The following DAAM1 variants were observed in gnomAD, a reference collection of about 807,000 sequenced individuals.
DAAM1 encodes the protein disheveled-associated activator of morphogenesis 1.
DAAM1 carries 52 observed loss-of-function variants against 130.0 expected under a neutral mutation model. The observed-to-expected ratio is 0.40, with a 90% confidence interval of 0.32 to 0.50. The LOEUF (loss-of-function observed/expected upper bound fraction) is 0.50. Ranked by LOEUF, DAAM1 falls within the 20% of genes least tolerant of loss-of-function variation. The probability of loss-of-function intolerance (pLI) is 0.61; values close to 1 mark genes in which losing one functional copy is unlikely to be tolerated. For missense variants in DAAM1, 1,134 were observed against 1,303.8 expected, an observed-to-expected ratio of 0.87 and a Z score of 2.01; for synonymous variants, 452 against 444.5, an observed-to-expected ratio of 1.02 and a Z score of -0.21.
chr14:59,234,342 C>T lies in DAAM1; in HGVS notation c.-37-29099C>T, dbSNP rs147687363. On this transcript the variant is annotated intron_variant, in intron 1 of 24. Coordinates refer to ENST00000360909, the MANE Select transcript of DAAM1 (RefSeq NM_001270520.2). ...TGTAGTTCTCCTTGAAGAAGTCCTT[C>T]ACGTCCTTTGTCAGCTGTATTCCTA... Among the ~76,000 whole-genome samples the T allele has an allele frequency of 8.9e-3, 1,354 of 152,278 alleles. 21 individuals carry two copies. Among genetic ancestry groups the T allele is most frequent in the African/African-American group, 0.031 (1,299 of 41,554 alleles).
intron 3 of DAAM1, among the ~76,000 whole-genome samples, chr14:59,314,397 G>A (rs866249038): frequency 2.0e-5 from 3 of 152,154 alleles, no homozygotes; most frequent in South Asian, 2.1e-4. Flanking sequence ...GTGCAAATAC[G>A]CATAGAAATC....
intron 1 of DAAM1, among the ~76,000 whole-genome samples, chr14:59,200,838 A>C (rs2139392744): frequency 6.6e-6 from 1 of 152,162 alleles, no homozygotes; most frequent in East Asian, 1.9e-4. Context: ...GTAGATGTGG[A>C]GTTGGGGCCC....
chr14:59,246,337 C>G (rs1881376885), intron 1 of DAAM1, among the ~76,000 whole-genome samples: 1 of 152,206 alleles, frequency 6.6e-6, no homozygotes, highest in Admixed American at 6.5e-5. Flanking sequence ...TGGCTTATTT[C>G]ACTCAGCATA....
chr14:59,314,059 C>T (rs752965182), intron 3 of DAAM1, among the ~76,000 whole-genome samples: 13 of 152,208 alleles, frequency 8.5e-5, no homozygotes, highest in Non-Finnish European at 1.9e-4. Context: ...TTTTATTCCA[C>T]CTGTGTAGAC....
chr14:59,368,713 G>A lies in DAAM1; in HGVS notation c.3061G>A (p.Gly1021Arg), dbSNP rs770926460. Residue 1021 changes from glycine to arginine, a missense_variant, in exon 25 of 25, where the codon GGA (glycine) becomes AGA (arginine). Gly to Arg is a moderately radical substitution (Grantham distance 125, BLOSUM62 -2). Coordinates refer to ENST00000360909, the MANE Select transcript of DAAM1 (RefSeq NM_001270520.2). ...AGCTAAAGAGAATAGTGAAGAAAGC[G>A]GAGAGTTTGATGACCTTGTTTCAGC... is the stretch of plus-strand genomic sequence containing the variant. ...RKAKENSEES[G>R]EFDDLVSALR... 7 of 1,613,730 alleles carry A rather than the reference G, an allele frequency of 4.3e-6. No homozygotes were observed. Among genetic ancestry groups the A allele is most frequent in the African/African-American group, 4.0e-5 (3 of 74,896 alleles).
intron 1 of DAAM1, among the ~76,000 whole-genome samples, chr14:59,208,309 T>C (rs1484775434): frequency 6.6e-6 from 1 of 152,136 alleles, no homozygotes; most frequent in African/African-American, 2.4e-5. Context: ...ATTTGACACA[T>C]CTTAGTATGC....
chr14:59,291,123 T>A (rs1013067058), intron 2 of DAAM1, 94 bp from the exon 3 acceptor site: 50 of 988,694 alleles, frequency 5.1e-5, no homozygotes, highest in Non-Finnish European at 7.0e-5. Flanking sequence ...TGTGTTTGTG[T>A]TTTTGTTTTT....
intron 1 of DAAM1, among the ~76,000 whole-genome samples, chr14:59,196,936 TTTGAGA>T (rs1887914528): frequency 6.6e-6 from 1 of 152,098 alleles, no homozygotes; most frequent in Non-Finnish European, 1.5e-5. Context: ...TTTTTTCTTT[TTTGAGA>T]CGGAGTCTCG....
intron 2 of DAAM1, among the ~76,000 whole-genome samples, chr14:59,286,927 ACT>A (rs1258358898): frequency 6.6e-6 from 1 of 152,168 alleles, no homozygotes; most frequent in Non-Finnish European, 1.5e-5. Context: ...CTCCTCCCTA[ACT>A]CTCTAAAACC....
chr14:59,370,019 C>T lies in DAAM1; in HGVS notation c.*1160C>T, dbSNP rs1887096004. The T allele has an allele frequency of 6.6e-6, 1 of 151,670 alleles. No homozygotes were observed. Among genetic ancestry groups the T allele is most frequent in the Admixed American group, 6.6e-5 (1 of 15,234 alleles). 9.4% of individuals were successfully genotyped at this position (151,670 alleles called of 1,614,324 possible). ...AAAATTTCAGTCCAAAAAAATAAAGCTCTCAGGGAGACATGAATAAAATCA... is the reference window on the plus strand; with the variant it reads ...AAAATTTCAGTCCAAAAAAATAAAGTTCTCAGGGAGACATGAATAAAATCA... On this transcript the variant is annotated 3_prime_UTR_variant, in exon 25 of 25. Transcript: ENST00000360909.
intron 1 of DAAM1, among the ~76,000 whole-genome samples, chr14:59,234,288 G>A (rs781432084): frequency 6.6e-6 from 1 of 151,986 alleles, no homozygotes; most frequent in Non-Finnish European, 1.5e-5. Flanking sequence ...TTTTGTTTGT[G>A]TCCTCTCATT....
chr14:59,363,505 A>G, intron 22 of DAAM1, 146 bp from the exon 23 acceptor site: 1 of 1,159,966 alleles, frequency 8.6e-7, no homozygotes, highest in Non-Finnish European at 1.2e-6. Context: ...CAGGGGCACT[A>G]GAGTATAACA....
intron 2 of DAAM1, among the ~76,000 whole-genome samples, chr14:59,276,909 C>G (rs566747601): frequency 6.6e-6 from 1 of 152,208 alleles, no homozygotes; most frequent in Non-Finnish European, 1.5e-5. Context: ...CCCATTCCCC[C>G]ACCTCAATCA....
intron 4 of DAAM1, among the ~76,000 whole-genome samples, chr14:59,317,498 C>A (rs1884836277): frequency 6.6e-6 from 1 of 152,172 alleles, no homozygotes; most frequent in Admixed American, 6.5e-5. Flanking sequence ...TGGAAAGGCA[C>A]ACAAGTTCTC....
Position 59,262,074 on chromosome 14 carries a change from C to T in DAAM1, c.-37-1367C>T, listed in dbSNP as rs146889627. ...CACCTTTTTTTTTTTCTTTTAACCT[C>T]ATCTCTTTTTTAACCTCATTGAAGA... is the stretch of plus-strand genomic sequence containing the variant. On this transcript the variant is annotated intron_variant, in intron 1 of 24. Coordinates refer to ENST00000360909, the MANE Select transcript of DAAM1 (RefSeq NM_001270520.2). Among the ~76,000 whole-genome samples, 1,161 of 151,648 alleles carry T rather than the reference C, an allele frequency of 7.7e-3. 9 individuals carry two copies. Among genetic ancestry groups the T allele is most frequent in the South Asian group, 0.019 (91 of 4,786 alleles).
At chr14:59,278,911 A>G (rs1198876464) in intron 2 of DAAM1, among the ~76,000 whole-genome samples, 2 of 151,834 alleles carry the variant, frequency 1.3e-5, no homozygotes, top group Non-Finnish European at 2.9e-5. Context: ...TTCTCTTTTA[A>G]GCCAACTCCT....
intron 1 of DAAM1, among the ~76,000 whole-genome samples, chr14:59,198,477 C>CTT (rs1887984513): frequency 6.6e-6 from 1 of 152,078 alleles, no homozygotes. Flanking sequence ...GATCCGCCTG[C>CTT]CTCGGCTTCC....
intron 22 of DAAM1, chr14:59,363,437 G>C (rs1566510367): frequency 2.0e-6 from 1 of 511,396 alleles, no homozygotes; most frequent in Non-Finnish European, 3.4e-6. Flanking sequence ...TTGGTAAATT[G>C]CTATTTGCAA....
chr14:59,200,638 A>G (rs1208779318), intron 1 of DAAM1, among the ~76,000 whole-genome samples: 1 of 152,230 alleles, frequency 6.6e-6, no homozygotes, highest in Admixed American at 6.5e-5. Context: ...TAATGCAAAG[A>G]TAATGCTTAA....
Sources: allele counts gnomAD v4.1 joint callset (sites outside exome capture counted in the v4.1 genomes callset), GRCh38; gene constraint gnomAD v4.1.1; transcripts MANE v1.5; gene names NCBI Gene and HGNC (gene_info 2026-07-23, HGNC 2026-07-21).